Variants in PDE11A observed in about 807,000 individuals in gnomAD.
The protein encoded by PDE11A is dual 3',5'-cyclic-AMP and -GMP phosphodiesterase 11A.
PDE11A carries 100 observed loss-of-function variants against 100.5 expected under a neutral mutation model. The ratio of observed to expected loss-of-function variants is 1.00; its 90% CI spans 0.85 to 1.18. PDE11A has a LOEUF of 1.18. PDE11A is among the 50% of genes most tolerant of loss of function. PDE11A has a pLI of 0.00. For missense variants in PDE11A, 1,141 were observed against 1,152.6 expected, an observed-to-expected ratio of 0.99 and a Z score of 0.15; for synonymous variants, 381 against 420.8, an observed-to-expected ratio of 0.91 and a Z score of 1.16.
chr2:177,640,013 GA>G (rs971465376), intron 19 of PDE11A, among the ~76,000 whole-genome samples: 3 of 151,774 alleles, frequency 2.0e-5, no homozygotes, highest in Non-Finnish European at 2.9e-5. Context: ...CATTTATTAA[GA>G]AAAAAAAGGA....
At chr2:178,022,890 G>A (rs73972667) in intron 1 of PDE11A, among the ~76,000 whole-genome samples, 3,800 of 152,240 alleles carry the variant, frequency 0.025, 148 homozygotes, top group African/African-American at 0.086. Context: ...ACCGCTTTGA[G>A]TATTTTTATG....
chr2:177,785,823 G>C (rs1405139051), intron 9 of PDE11A, among the ~76,000 whole-genome samples: 2 of 152,166 alleles, frequency 1.3e-5, no homozygotes, highest in African/African-American at 4.8e-5. Context: ...AGGCGGCAGC[G>C]AGGCTGGGGG....
chr2:177,784,858 A>G (rs1362214861), intron 9 of PDE11A, among the ~76,000 whole-genome samples: 1 of 152,220 alleles, frequency 6.6e-6, no homozygotes, highest in Non-Finnish European at 1.5e-5. Flanking sequence ...AATTCATGCT[A>G]TGAATTGCCC....
chr2:177,794,502 C>G lies in PDE11A; in HGVS notation c.1737+22327G>C, dbSNP rs958889871. 2.6e-5 allele frequency among the ~76,000 whole-genome samples: 4 copies of G among 152,154 alleles called. No individual in the cohort carries two copies. In the East Asian group the frequency reaches 5.8e-4, roughly 22 times the overall value. ...GGGATAAAAACAAATTTCCCAGAGG[C>G]AGGCTCATCGAATTGGGCCCAGTAT... On this transcript the variant is annotated intron_variant, in intron 9 of 19. Transcript: ENST00000286063.
intron 5 of PDE11A, among the ~76,000 whole-genome samples, chr2:177,853,306 G>A (rs2083749179): frequency 6.6e-6 from 1 of 151,982 alleles, no homozygotes; most frequent in South Asian, 2.1e-4. Flanking sequence ...AGGCTGCATA[G>A]CGCATAGAAG....
intron 12 of PDE11A, among the ~76,000 whole-genome samples, chr2:177,713,722 TCAAACAAACAAA>T (rs57320282): frequency 6.6e-6 from 1 of 151,506 alleles, no homozygotes; most frequent in Admixed American, 6.6e-5. Context: ...AGACTCCATC[TCAAACAAACAAA>T]CAAACAAACA....
chr2:178,026,562 G>A (rs2086480844), intron 1 of PDE11A, among the ~76,000 whole-genome samples: 1 of 151,720 alleles, frequency 6.6e-6, no homozygotes, highest in South Asian at 2.1e-4. Flanking sequence ...TCAGGAGGCT[G>A]AGGCAGGAGA....
chr2:177,705,862 A>G (rs1187055972), intron 13 of PDE11A, among the ~76,000 whole-genome samples: 2 of 152,232 alleles, frequency 1.3e-5, no homozygotes, highest in African/African-American at 4.8e-5. Flanking sequence ...AGAAATGAGT[A>G]TAAGAGATTA....
At chr2:177,805,056 A>C (rs1302868995) in intron 9 of PDE11A, among the ~76,000 whole-genome samples, 1 of 150,760 alleles carries the variant, frequency 6.6e-6, no homozygotes, top group Non-Finnish European at 1.5e-5. Context: ...AGAAATCTGC[A>C]CTTGTACTCC....
chr2:178,100,699 T>A (rs1212863391), intron 2 of PDE11A, among the ~76,000 whole-genome samples: 1 of 152,242 alleles, frequency 6.6e-6, no homozygotes, highest in Non-Finnish European at 1.5e-5. Context: ...GGAAATTTTA[T>A]TTCTAATTCT....
chr2:177,642,049 T>G (rs2080152443), intron 19 of PDE11A, among the ~76,000 whole-genome samples: 1 of 152,180 alleles, frequency 6.6e-6, no homozygotes, highest in African/African-American at 2.4e-5. Flanking sequence ...AGAGCCCAAG[T>G]TAGTAACCAC....
chr2:177,785,318 A>T (rs1221760542), intron 9 of PDE11A, among the ~76,000 whole-genome samples: 2 of 152,146 alleles, frequency 1.3e-5, no homozygotes, highest in Non-Finnish European at 2.9e-5. Context: ...AAAACTGATG[A>T]TGAGCACTGA....
At chr2:178,020,927 GTGTGT>G (rs1559044533) in intron 1 of PDE11A, among the ~76,000 whole-genome samples, 118 of 19,302 alleles carry the variant, frequency 6.1e-3, no homozygotes, top group Non-Finnish European at 7.9e-3. Flanking sequence ...TTGTCTTGGT[GTGTGT>G]GTGTGTGTGT....
chr2:178,060,265 A>G (rs916850909), intron 1 of PDE11A, among the ~76,000 whole-genome samples: 4 of 152,160 alleles, frequency 2.6e-5, no homozygotes, highest in African/African-American at 9.7e-5. Flanking sequence ...TGAGCTTTGG[A>G]AGGGTATCTG....
intron 5 of PDE11A, among the ~76,000 whole-genome samples, chr2:177,874,928 A>G (rs1225892065): frequency 6.6e-6 from 1 of 152,134 alleles, no homozygotes; most frequent in Admixed American, 6.5e-5. Context: ...ATTTATTTCA[A>G]AACATTACAA....
chr2:177,800,497 C>T (rs967034923), intron 9 of PDE11A, among the ~76,000 whole-genome samples: 2 of 152,078 alleles, frequency 1.3e-5, no homozygotes, highest in African/African-American at 4.8e-5. Context: ...TAAAGCCTGC[C>T]CTTTTAATCA....
At chr2:177,785,127 C>A (rs1445347245) in intron 9 of PDE11A, among the ~76,000 whole-genome samples, 3 of 152,150 alleles carry the variant, frequency 2.0e-5, no homozygotes, top group Non-Finnish European at 4.4e-5. Flanking sequence ...CTCACTAGAC[C>A]TGTAACCTTG....
At chr2:177,781,781 T>G (rs2082458940) in intron 9 of PDE11A, among the ~76,000 whole-genome samples, 1 of 152,174 alleles carries the variant, frequency 6.6e-6, no homozygotes, top group African/African-American at 2.4e-5. Context: ...GGATTACAAG[T>G]GTGAGCCACC....
intron 2 of PDE11A, among the ~76,000 whole-genome samples, chr2:177,968,083 G>A (rs2085721330): frequency 6.6e-6 from 1 of 152,068 alleles, no homozygotes; most frequent in African/African-American, 2.4e-5. Context: ...CTCTCAGCTG[G>A]GAGAGTGGTG....
Sources: gnomAD v4.1 joint callset for allele counts (sites outside exome capture counted in the v4.1 genomes callset) on GRCh38, gnomAD v4.1.1 for gene constraint, MANE v1.5 for transcripts, NCBI Gene and HGNC (gene_info 2026-07-23, HGNC 2026-07-21) for gene names.